The following PARD3B variants were observed in gnomAD, a reference collection of about 807,000 sequenced individuals.
PARD3B encodes the protein par-3 family cell polarity regulator beta.
Under a neutral mutation model 130.2 loss-of-function variants are expected in PARD3B, and 103 were observed. The observed-to-expected ratio is 0.79, with a 90% CI of 0.67 to 0.93. The LOEUF (loss-of-function observed/expected upper bound fraction) is 0.93. PARD3B is among the 40% of genes least tolerant of loss of function. The pLI, the probability that PARD3B is intolerant of heterozygous loss-of-function variation, is 0.00. For synonymous variants in PARD3B, 583 were observed against 553.2 expected, an observed-to-expected ratio of 1.05 and a Z score of -0.76; for missense variants, 1,609 against 1,499.2, an observed-to-expected ratio of 1.07 and a Z score of -1.21.
chr2:205,556,029 TC>T (rs1465553167), intron 22 of PARD3B, among the ~76,000 whole-genome samples: 1 of 152,064 alleles, frequency 6.6e-6, no homozygotes, highest in Non-Finnish European at 1.5e-5. Flanking sequence ...TTCTTGTCTT[TC>T]CCCCTGGAGA....
At chr2:204,792,758 A>G (rs992824334) in intron 2 of PARD3B, among the ~76,000 whole-genome samples, 3 of 152,322 alleles carry the variant, frequency 2.0e-5, no homozygotes, top group Middle Eastern at 6.8e-3. Context: ...TAGAAAGGTC[A>G]GTGGTTTCTA....
chr2:205,479,771 C>G (rs907011596), intron 20 of PARD3B, among the ~76,000 whole-genome samples: 11 of 152,140 alleles, frequency 7.2e-5, no homozygotes, highest in Non-Finnish European at 1.2e-4. Flanking sequence ...ACTCATTTTA[C>G]TCAGAGTCAA....
chr2:205,172,363 G>T lies in PARD3B; in HGVS notation c.1773G>T (p.Arg591Ser). Residue 591 changes from arginine to serine, a missense_variant, in exon 12 of 23, where the codon AGG (arginine) becomes AGT (serine). Coordinates refer to ENST00000406610, the MANE Select transcript of PARD3B (RefSeq NM_001302769.2). ...RGMIQLVILR[R>S]PERPMEDPAE... ...TGATCCAGTTGGTGATTCTGAGGAG[G>T]CCAGAGAGACCAATGGAGGTGATGC... The T allele has an allele frequency of 6.2e-7, 1 of 1,613,852 alleles. No individual in the cohort carries two copies. Among genetic ancestry groups the T allele is most frequent in the Non-Finnish European group, 8.5e-7 (1 of 1,179,888 alleles).
intron 6 of PARD3B, among the ~76,000 whole-genome samples, chr2:205,118,138 C>A (rs559582901): frequency 6.6e-6 from 1 of 152,186 alleles, no homozygotes; most frequent in Non-Finnish European, 1.5e-5. Context: ...TACTCGGAAG[C>A]GGGGTCTGCT....
intron 1 of PARD3B, among the ~76,000 whole-genome samples, chr2:204,647,887 A>G (rs1314122151): frequency 2.0e-5 from 3 of 151,462 alleles, no homozygotes; most frequent in Non-Finnish European, 4.4e-5. Context: ...GAGTGCTAAC[A>G]CAAATGCTAT....
chr2:204,974,166 A>G (rs376827868), intron 3 of PARD3B, among the ~76,000 whole-genome samples: 4 of 152,342 alleles, frequency 2.6e-5, no homozygotes, highest in African/African-American at 7.2e-5. Flanking sequence ...AGATTCTTCA[A>G]ACATCTTTAC....
chr2:205,228,781 G>A (rs1360942393), intron 15 of PARD3B, among the ~76,000 whole-genome samples: 2 of 149,204 alleles, frequency 1.3e-5, no homozygotes, highest in Non-Finnish European at 3.0e-5. Flanking sequence ...TCTTGTAGGT[G>A]TGCTTCATTG....
At chr2:204,851,322 T>A (rs2044698676) in intron 2 of PARD3B, among the ~76,000 whole-genome samples, 1 of 152,180 alleles carries the variant, frequency 6.6e-6, no homozygotes, top group Non-Finnish European at 1.5e-5. Flanking sequence ...TGGTAAGCAG[T>A]AATCATCTCC....
rs1202867896 is a variant in PARD3B, at chr2:205,397,594, A to C, written c.2631-3419A>C. On this transcript the variant is annotated intron_variant, in intron 18 of 22. Coordinates refer to ENST00000406610, the MANE Select transcript of PARD3B (RefSeq NM_001302769.2). This position sits in a 1 kb window ranked among gnomAD's most constrained non-coding sequence, Gnocchi z 4.8. Reference sequence around the variant, plus strand: ...TGGTTAGTTTTACCCTTCAAAAACAAGACTGCTTTTACCTCAGAAATCCCA... The same window carrying C: ...TGGTTAGTTTTACCCTTCAAAAACACGACTGCTTTTACCTCAGAAATCCCA... 6.6e-6 allele frequency among the ~76,000 whole-genome samples: 1 copy of C among 152,196 alleles called. No individual in the cohort carries two copies. Among genetic ancestry groups the C allele is most frequent in the East Asian group, 1.9e-4 (1 of 5,190 alleles).
intron 10 of PARD3B, among the ~76,000 whole-genome samples, chr2:205,134,603 A>G (rs1317877463): frequency 6.6e-6 from 1 of 152,164 alleles, no homozygotes; most frequent in Non-Finnish European, 1.5e-5. Flanking sequence ...TCACTTGTGC[A>G]ATGTGCTCAG....
intron 3 of PARD3B, among the ~76,000 whole-genome samples, chr2:205,043,879 A>G (rs932334105): frequency 1.3e-5 from 2 of 151,770 alleles, no homozygotes; most frequent in East Asian, 1.9e-4. Flanking sequence ...GTATGTATAC[A>G]TGTGCCATGC....
chr2:204,782,523 A>G (rs1331167138), intron 2 of PARD3B, among the ~76,000 whole-genome samples: 2 of 149,884 alleles, frequency 1.3e-5, no homozygotes, highest in Non-Finnish European at 3.0e-5. Context: ...TATGTATGTA[A>G]TCGGTATGTT....
At chr2:205,376,768 T>C (rs951880271) in intron 18 of PARD3B, among the ~76,000 whole-genome samples, 3 of 151,926 alleles carry the variant, frequency 2.0e-5, no homozygotes, top group Admixed American at 6.6e-5. Context: ...AGAAAATAAA[T>C]TGGAGGTTGT....
At chr2:204,875,322 G>A (rs961475300) in intron 2 of PARD3B, among the ~76,000 whole-genome samples, 1 of 152,112 alleles carries the variant, frequency 6.6e-6, no homozygotes, top group African/African-American at 2.4e-5. Context: ...CTAGTAAACA[G>A]CTCTCTCGGC....
At chr2:204,811,838 G>A (rs567645340) in intron 2 of PARD3B, among the ~76,000 whole-genome samples, 1 of 151,720 alleles carries the variant, frequency 6.6e-6, no homozygotes, top group Non-Finnish European at 1.5e-5. Flanking sequence ...AAAAACTAAT[G>A]TTTGCATAAA....
Position 204,943,498 on chromosome 2 carries a change from T to C in PARD3B, c.223-21654T>C, listed in dbSNP as rs936956425. ...AGCAGAACATCTGGTTTACTGCCCC[T>C]TGCCCAGTGGTTATATGTGTGCCAG... On this transcript the variant is annotated intron_variant, in intron 2 of 22. Transcript: ENST00000406610. This position sits in a 1 kb window ranked among gnomAD's most constrained non-coding sequence, Gnocchi z 4.2. 2.6e-5 allele frequency among the ~76,000 whole-genome samples: 4 copies of C among 152,106 alleles called. No homozygotes were observed. The highest frequency in any genetic ancestry group is 5.9e-5 in the Non-Finnish European group (4 of 68,016).
chr2:204,655,403 C>T (rs2035607212), intron 1 of PARD3B, among the ~76,000 whole-genome samples: 1 of 152,062 alleles, frequency 6.6e-6, no homozygotes, highest in Non-Finnish European at 1.5e-5. Flanking sequence ...CTTGTCTGTT[C>T]TATATAAGAT....
chr2:205,188,938 A>T (rs1367363721), intron 14 of PARD3B, among the ~76,000 whole-genome samples: 1 of 152,232 alleles, frequency 6.6e-6, no homozygotes, highest in African/African-American at 2.4e-5. Context: ...AAATCAGGAA[A>T]TTGCTCAACC....
chr2:205,301,936 T>C lies in PARD3B; in HGVS notation c.2630+235T>C, dbSNP rs980512790. ...TGTTGTCAAAGAAAGGTCAACACTATGCCAGGCACGGTGGCTCATGCCTGT... is the reference window on the plus strand; with the variant it reads ...TGTTGTCAAAGAAAGGTCAACACTACGCCAGGCACGGTGGCTCATGCCTGT... On this transcript the variant is annotated intron_variant, in intron 18 of 22. Coordinates refer to ENST00000406610, the MANE Select transcript of PARD3B (RefSeq NM_001302769.2). This position sits in a 1 kb window ranked among gnomAD's most constrained non-coding sequence, Gnocchi z 5.2. 3 of 723,558 alleles carry C rather than the reference T, an allele frequency of 4.1e-6. No homozygotes were observed. The highest frequency in any genetic ancestry group is 4.0e-5 in the Admixed American group (2 of 50,050). The allele number at this position is 723,558 out of a possible 1,614,324, so 44.8% of individuals were successfully genotyped here. A position where few individuals can be genotyped will look rare whatever the true frequency, so the allele number is the denominator to read the frequency against.
Sources: allele counts gnomAD v4.1 joint callset (sites outside exome capture counted in the v4.1 genomes callset), GRCh38; gene constraint gnomAD v4.1.1; non-coding constraint Gnocchi (gnomAD v3.1); transcripts MANE v1.5; gene names NCBI Gene and HGNC (gene_info 2026-07-23, HGNC 2026-07-21).